MACROD2: variants seen among roughly 807,000 people sequenced by gnomAD.
MACROD2 encodes ADP-ribose glycohydrolase MACROD2.
MACROD2 carries 36 observed loss-of-function variants against 70.4 expected under a neutral mutation model. That is an observed-to-expected ratio of 0.51 (90% CI 0.39 to 0.68). MACROD2 has a LOEUF of 0.68. Ranked by LOEUF, MACROD2 falls within the 30% of genes least tolerant of loss-of-function variation. The pLI is 0.00. For missense variants in MACROD2, 496 were observed against 538.4 expected (o/e 0.92, Z 0.78); for synonymous variants, 172 against 178.8 (o/e 0.96, Z 0.30).
intron 6 of MACROD2, among the ~76,000 whole-genome samples, chr20:15,264,058 C>G (rs1488769203): frequency 6.6e-6 from 1 of 152,130 alleles, no homozygotes; most frequent in Non-Finnish European, 1.5e-5. Flanking sequence ...GCAATTGATA[C>G]TGCATCCAAA....
chr20:15,753,557 A>T (rs571553290), intron 8 of MACROD2, among the ~76,000 whole-genome samples: 3 of 152,212 alleles, frequency 2.0e-5, no homozygotes, highest in Non-Finnish European at 4.4e-5. Context: ...TGCTATTGTG[A>T]ATAGTGCTGC....
intron 8 of MACROD2, among the ~76,000 whole-genome samples, chr20:15,680,706 C>A (rs541948661): frequency 6.6e-6 from 1 of 152,192 alleles, no homozygotes; most frequent in Admixed American, 6.5e-5. Flanking sequence ...GAGTTGTTTT[C>A]AAGGTCAGTA....
At chr20:14,822,470 G>C (rs1568816599) in intron 5 of MACROD2, among the ~76,000 whole-genome samples, 1 of 152,170 alleles carries the variant, frequency 6.6e-6, no homozygotes, top group East Asian at 1.9e-4. Context: ...CATTTGGTGT[G>C]CTTGCAATGC....
At chr20:15,643,012 CT>C (rs1449402250) in intron 8 of MACROD2, among the ~76,000 whole-genome samples, 1 of 152,218 alleles carries the variant, frequency 6.6e-6, no homozygotes, top group East Asian at 1.9e-4. Context: ...TATTTATCCA[CT>C]TTGCTTTAGC....
At chr20:15,202,876 T>G (rs2076668645) in intron 5 of MACROD2, among the ~76,000 whole-genome samples, 1 of 152,148 alleles carries the variant, frequency 6.6e-6, no homozygotes, top group Non-Finnish European at 1.5e-5. Flanking sequence ...TGTTTTTAGC[T>G]TTTCCAGAAG....
intron 6 of MACROD2, among the ~76,000 whole-genome samples, chr20:15,364,347 C>A (rs916963435): frequency 1.3e-5 from 2 of 152,166 alleles, no homozygotes; most frequent in East Asian, 3.9e-4. Context: ...AGCTCCTCTT[C>A]GAAGATTCCT....
At chr20:14,314,498 C>T (rs1259833694) in intron 3 of MACROD2, among the ~76,000 whole-genome samples, 2 of 152,166 alleles carry the variant, frequency 1.3e-5, no homozygotes, top group Admixed American at 6.5e-5. Context: ...CGGTGGCTCA[C>T]GCCTGTAATC....
intron 5 of MACROD2, among the ~76,000 whole-genome samples, chr20:15,032,259 C>A (rs999917141): frequency 1.3e-5 from 2 of 152,320 alleles, no homozygotes; most frequent in Middle Eastern, 3.4e-3. Flanking sequence ...ACTGCAGCTC[C>A]ACCTGGGAAC....
intron 6 of MACROD2, among the ~76,000 whole-genome samples, chr20:15,359,792 A>G (rs1173803227): frequency 1.3e-5 from 2 of 152,192 alleles, no homozygotes; most frequent in East Asian, 3.8e-4. Context: ...GAGAGGTTCT[A>G]TGTATTCTTC....
chr20:14,505,782 A>G (rs768928949), intron 4 of MACROD2, among the ~76,000 whole-genome samples: 1 of 152,244 alleles, frequency 6.6e-6, no homozygotes, highest in Non-Finnish European at 1.5e-5. Context: ...AATAAAAGTG[A>G]ATAAAGAGAG....
intron 4 of MACROD2, among the ~76,000 whole-genome samples, chr20:14,546,810 C>T (rs1273271466): frequency 1.3e-5 from 2 of 152,076 alleles, no homozygotes; most frequent in African/African-American, 4.8e-5. Context: ...CAAATAATAG[C>T]CATTGTTCCT....
chr20:14,391,270 A>G, intron 3 of MACROD2, among the ~76,000 whole-genome samples: 1 of 152,238 alleles, frequency 6.6e-6, no homozygotes. Context: ...GGTATGTTAC[A>G]TCATAGAATA....
chr20:15,942,480 A>T (rs1312851721), intron 12 of MACROD2, among the ~76,000 whole-genome samples: 1 of 152,198 alleles, frequency 6.6e-6, no homozygotes, highest in Admixed American at 6.5e-5. Flanking sequence ...GTGAAATAGG[A>T]TGTGTACTTA....
chr20:14,844,493 G>A (rs2073119330), intron 5 of MACROD2, among the ~76,000 whole-genome samples: 1 of 151,732 alleles, frequency 6.6e-6, no homozygotes, highest in South Asian at 2.1e-4. Context: ...CTCCAGCCTT[G>A]GTGACAGAGC....
chr20:14,081,071 C>T (rs1461681857), intron 2 of MACROD2, among the ~76,000 whole-genome samples: 1 of 152,166 alleles, frequency 6.6e-6, no homozygotes, highest in East Asian at 1.9e-4. Flanking sequence ...CCTGCGTAGC[C>T]CAGTTTCAGC....
At chr20:14,327,840 TCCAAAGTATTTTAATTA>T (rs1299135955) in intron 3 of MACROD2, among the ~76,000 whole-genome samples, 1 of 152,094 alleles carries the variant, frequency 6.6e-6, no homozygotes, top group African/African-American at 2.4e-5. Context: ...TATTGAATAA[TCCAAAGTATTTTAATTA>T]TACTTTATAT....
At chr20:15,707,456 C>A (rs1010892476) in intron 8 of MACROD2, among the ~76,000 whole-genome samples, 1 of 152,118 alleles carries the variant, frequency 6.6e-6, no homozygotes, top group African/African-American at 2.4e-5. Flanking sequence ...ATGCCCCCAG[C>A]TTCATATTCT....
chr20:14,786,204 T>TAGATAGAGAGAG (rs376081607), intron 5 of MACROD2, among the ~76,000 whole-genome samples: 4 of 135,430 alleles, frequency 3.0e-5, no homozygotes, highest in African/African-American at 1.1e-4. Context: ...CAGAGAAAGA[T>TAGATAGAGAGAG]AGAGAGAGAG....
intron 3 of MACROD2, among the ~76,000 whole-genome samples, chr20:14,130,936 T>G (rs1181121132): frequency 2.0e-5 from 3 of 150,978 alleles, no homozygotes; most frequent in Non-Finnish European, 2.9e-5. Flanking sequence ...TTTTGTTTTT[T>G]TTTTTTTTTC....
Sources: gnomAD v4.1 joint callset for allele counts (sites outside exome capture counted in the v4.1 genomes callset) on GRCh38, gnomAD v4.1.1 for gene constraint, MANE v1.5 for transcripts, NCBI Gene and HGNC (gene_info 2026-07-23, HGNC 2026-07-21) for gene names.